AMBRA1: variants seen among roughly 807,000 people sequenced by gnomAD.
AMBRA1 encodes autophagy and beclin 1 regulator 1.
A neutral mutation model predicts 125.4 loss-of-function variants in AMBRA1; 47 were observed. The ratio of observed to expected loss-of-function variants is 0.37; its 90% confidence interval spans 0.30 to 0.48. AMBRA1 has a LOEUF of 0.48. AMBRA1 is among the 20% of genes least tolerant of loss of function. AMBRA1 has a pLI of 0.99. For missense variants in AMBRA1, 1,331 were observed against 1,693.4 expected (o/e 0.79, Z 3.76); for synonymous variants, 626 against 655.5 (o/e 0.95, Z 0.69).
At chr11:46,447,458 C>T (rs921459257) in intron 11 of AMBRA1, among the ~76,000 whole-genome samples, 1 of 151,986 alleles carries the variant, frequency 6.6e-6, no homozygotes, top group African/African-American at 2.4e-5. Context: ...TTGCTTGAAC[C>T]CAGGAGGAGG....
chr11:46,547,347 C>T, intron 3 of AMBRA1, 51 bp from the exon 4 acceptor site: 1 of 1,496,414 alleles, frequency 6.7e-7, no homozygotes, highest in Non-Finnish European at 9.0e-7. Flanking sequence ...GAAGGGTAAC[C>T]AATCTTATCA....
intron 7 of AMBRA1, among the ~76,000 whole-genome samples, chr11:46,539,952 T>C (rs1952655566): frequency 6.6e-6 from 1 of 151,978 alleles, no homozygotes; most frequent in South Asian, 2.1e-4. Flanking sequence ...CTGCCTCAGC[T>C]TCCCAAGCAG....
Position 46,408,607 on chromosome 11 carries a change from G to A in AMBRA1, c.3309C>T (p.Gly1103=). 6.2e-7 allele frequency: 1 copy of A among 1,609,932 alleles called. No homozygotes were observed. The highest frequency in any genetic ancestry group is 1.3e-5 in the African/African-American group (1 of 74,938). Residue 1103 remains glycine (G), a synonymous_variant, in exon 17 of 18, where the codon GGC becomes GGT. Transcript: ENST00000683756. ...GCAGCTGAAGGGCCAGAGTCTGGGT[G>A]CCCTGAGATGTCACTGAGGTGGCAG... is the stretch of plus-strand genomic sequence containing the variant. ...RNPATSVTSQ[G]TQTLALQLQN...
chr11:46,502,889 T>A (rs1372537429), intron 9 of AMBRA1, among the ~76,000 whole-genome samples: 1 of 151,672 alleles, frequency 6.6e-6, no homozygotes, highest in Non-Finnish European at 1.5e-5. Flanking sequence ...TGAAACCCCA[T>A]CTCTACCTAA....
chr11:46,440,645 A>C (rs1026556189), intron 12 of AMBRA1, among the ~76,000 whole-genome samples: 1 of 152,222 alleles, frequency 6.6e-6, no homozygotes, highest in South Asian at 2.1e-4. Flanking sequence ...AGAAATGAAG[A>C]AGCAAACTTC....
chr11:46,554,943 A>G (rs1257812495), intron 1 of AMBRA1, among the ~76,000 whole-genome samples: 2 of 152,160 alleles, frequency 1.3e-5, no homozygotes, highest in Non-Finnish European at 2.9e-5. Context: ...TGTACATAAG[A>G]CAAATGCCGG....
At chr11:46,447,753 T>C (rs1365260074) in intron 11 of AMBRA1, among the ~76,000 whole-genome samples, 1 of 143,040 alleles carries the variant, frequency 7.0e-6, no homozygotes, top group Non-Finnish European at 1.6e-5. Context: ...GATAGATAGA[T>C]AGATAGATAG....
At position 46,454,188 on chromosome 11, in the gene AMBRA1, A is replaced by AT. The variant is rs199878517; in HGVS notation, c.2522-10591dup. Reference sequence around the variant, plus strand: ...GGAAAGGAAAAGAAATAGCTATGAAATTTTTTTTTAATTTTTAATTTTTAG... The same window carrying AT: ...GGAAAGGAAAAGAAATAGCTATGAAATTTTTTTTTTAATTTTTAATTTTTAG... On this transcript the variant is annotated intron_variant, in intron 11 of 17. Transcript: ENST00000683756. Among the ~76,000 whole-genome samples the AT allele has an allele frequency of 5.0e-4, 75 of 151,396 alleles. No individual in the cohort carries two copies. The East Asian group carries it at 0.014, about 29-fold the overall frequency.
intron 7 of AMBRA1, among the ~76,000 whole-genome samples, chr11:46,526,295 A>G (rs1951968101): frequency 2.0e-5 from 3 of 152,130 alleles, no homozygotes; most frequent in Non-Finnish European, 4.4e-5. Context: ...ATGGCTCCAA[A>G]GAAATATCCT....
chr11:46,508,301 C>T lies in AMBRA1; in HGVS notation c.2229G>A (p.Gln743=), dbSNP rs760391826. 2 of 1,614,124 alleles carry T rather than the reference C, an allele frequency of 1.2e-6. No homozygotes were observed. The highest frequency in any genetic ancestry group is 2.7e-5 in the African/African-American group (2 of 74,948). Residue 743 remains glutamine (Q), a synonymous_variant, in exon 9 of 18, where the codon CAG becomes CAA. Coordinates refer to ENST00000683756, the MANE Select transcript of AMBRA1 (RefSeq NM_001387011.1). ...GGTTCTGTTGGTAGCGCATGGAGCG[C>T]TGGCGAATACTGTCTCTCCGTGAGA... ...QYLSRRDSIR[Q]RSMRYQQNRL...
intron 1 of AMBRA1, among the ~76,000 whole-genome samples, chr11:46,589,910 C>T (rs1358264273): frequency 6.6e-6 from 1 of 151,794 alleles, no homozygotes; most frequent in Non-Finnish European, 1.5e-5. Flanking sequence ...GTGTGAGCCA[C>T]CGCGCCCGGT....
At chr11:46,486,693 G>A (rs1327311363) in intron 11 of AMBRA1, among the ~76,000 whole-genome samples, 2 of 151,970 alleles carry the variant, frequency 1.3e-5, no homozygotes, top group African/African-American at 2.4e-5. Flanking sequence ...ATGACCTGAG[G>A]TCAGGAGTTC....
At chr11:46,414,549 C>T (rs751181983) in intron 15 of AMBRA1, among the ~76,000 whole-genome samples, 2 of 152,196 alleles carry the variant, frequency 1.3e-5, no homozygotes, top group Non-Finnish European at 2.9e-5. Context: ...CCAGCACCTC[C>T]CCCTATCACA....
At chr11:46,444,996 T>C (rs1157947333) in intron 11 of AMBRA1, among the ~76,000 whole-genome samples, 1 of 150,186 alleles carries the variant, frequency 6.7e-6, no homozygotes, top group African/African-American at 2.5e-5. Flanking sequence ...TACTTCTAGA[T>C]CATGCATTCT....
chr11:46,564,577 A>G (rs1213895066), intron 1 of AMBRA1, among the ~76,000 whole-genome samples: 1 of 152,146 alleles, frequency 6.6e-6, no homozygotes, highest in African/African-American at 2.4e-5. Context: ...AGAAAAAGAA[A>G]AAAAAAAGCT....
intron 10 of AMBRA1, 173 bp downstream of exon 10, chr11:46,493,951 C>T: frequency 1.4e-6 from 1 of 690,292 alleles, no homozygotes; most frequent in Non-Finnish European, 2.4e-6. Flanking sequence ...TTTTTCATCT[C>T]TTTTGAATGT....
At position 46,512,801 on chromosome 11, in the gene AMBRA1, T is replaced by C. The variant is rs1304721302; in HGVS notation, c.2085A>G (p.Glu695=). 6.2e-7 allele frequency: 1 copy of C among 1,612,938 alleles called. No individual in the cohort carries two copies. Among genetic ancestry groups the C allele is most frequent in the South Asian group, 1.1e-5 (1 of 90,870 alleles). Residue 695 remains glutamate, a synonymous_variant, in exon 8 of 18, where the codon GAA becomes GAG. Coordinates refer to ENST00000683756, the MANE Select transcript of AMBRA1 (RefSeq NM_001387011.1). ...EEDSLRRRLL[E]SSLISLSRYD... The stretch of plus-strand genomic sequence containing the variant: ...AACGGGATAATGAAATGAGGGAAGA[T>C]TCCAGCAGCCTCCTAGCAGAGATTA...
chr11:46,458,202 GTTCAAACA>G (rs1948935324), intron 11 of AMBRA1, among the ~76,000 whole-genome samples: 1 of 152,144 alleles, frequency 6.6e-6, no homozygotes, highest in African/African-American at 2.4e-5. Flanking sequence ...AAAATCCAGT[GTTCAAACA>G]TTAACACCAG....
At position 46,511,047 on chromosome 11, in the gene AMBRA1, C is replaced by T. The variant is rs138444324; in HGVS notation, c.2159+1680G>A. Among the ~76,000 whole-genome samples, 15 of 152,210 alleles carry T rather than the reference C, an allele frequency of 9.9e-5. 1 individual carries two copies. Among genetic ancestry groups the T allele is most frequent in the Middle Eastern group, 3.4e-3 (1 of 294 alleles). ...CAACACCACGAAGTATGACACTTTC[C>T]GTGATAAAGATCACAGTAGGATAAA... On this transcript the variant is annotated intron_variant, in intron 8 of 17. Transcript: ENST00000683756.
Sources: allele counts gnomAD v4.1 joint callset (sites outside exome capture counted in the v4.1 genomes callset), GRCh38; gene constraint gnomAD v4.1.1; transcripts MANE v1.5; gene names NCBI Gene and HGNC (gene_info 2026-07-23, HGNC 2026-07-21).